Variants in PDE4D observed in about 807,000 individuals in gnomAD.
PDE4D encodes the protein phosphodiesterase 4D.
Under a neutral mutation model 87.4 loss-of-function variants are expected in PDE4D, and 24 were observed. The ratio of observed to expected loss-of-function variants is 0.27; its 90% CI spans 0.20 to 0.39. The LOEUF (loss-of-function observed/expected upper bound fraction) is 0.39, where lower values mean the gene tolerates loss of function less well. PDE4D is among the 10% of genes least tolerant of loss of function. The probability of loss-of-function intolerance (pLI) is 1.00; values close to 1 mark genes in which losing one functional copy is unlikely to be tolerated. For synonymous variants in PDE4D, 384 were observed against 383.2 expected, an observed-to-expected ratio of 1.00 and a Z score of -0.02; for missense variants, 714 against 1,041.0, an observed-to-expected ratio of 0.69 and a Z score of 4.32.
At chr5:59,909,763 C>T (rs906412938) in intron 3 of PDE4D, among the ~76,000 whole-genome samples, 54 of 152,124 alleles carry the variant, frequency 3.5e-4, no homozygotes, top group African/African-American at 1.2e-3. Flanking sequence ...AGAAATTGTG[C>T]ATATTTCTAT....
intron 1 of PDE4D, among the ~76,000 whole-genome samples, chr5:59,426,214 G>A (rs1795182772): frequency 6.6e-6 from 1 of 152,196 alleles, no homozygotes; most frequent in Non-Finnish European, 1.5e-5. Context: ...GGAATTGTGA[G>A]AAAACAAATT....
At chr5:59,177,683 G>A (rs1480181684) in intron 5 of PDE4D, among the ~76,000 whole-genome samples, 1 of 152,196 alleles carries the variant, frequency 6.6e-6, no homozygotes, top group Non-Finnish European at 1.5e-5. Flanking sequence ...GTGATGTTCT[G>A]TGGAGTTGCC....
At chr5:59,836,219 A>C (rs1165764427) in intron 1 of PDE4D, among the ~76,000 whole-genome samples, 1 of 152,038 alleles carries the variant, frequency 6.6e-6, no homozygotes, top group Non-Finnish European at 1.5e-5. Flanking sequence ...AAGCATCAGC[A>C]TCATTACAAT....
rs10525960 is a variant in PDE4D, at chr5:60,337,164, CAAA to C, written c.-90+150775_-90+150777del. On this transcript the variant is annotated intron_variant, in intron 1 of 16. Transcript: ENST00000502484. ...GTGAACCCTGTCTCTACTGAAAATA[CAAA>C]AAAAAAAAAAAAAAATTTAGCTGGG... Among the ~76,000 whole-genome samples, 558 of 106,370 alleles carry C rather than the reference CAAA, an allele frequency of 5.2e-3. 5 individuals carry two copies. The highest frequency in any genetic ancestry group is 0.015 in the African/African-American group (498 of 32,848). 69.8% of individuals were successfully genotyped at this position (106,370 alleles called of 152,430 possible).
intron 1 of PDE4D, among the ~76,000 whole-genome samples, chr5:60,242,209 C>A (rs567069585): frequency 6.6e-6 from 1 of 151,730 alleles, no homozygotes; most frequent in African/African-American, 2.4e-5. Flanking sequence ...GACTTCAACA[C>A]AAAAACTGTA....
chr5:59,157,429 T>C, intron 5 of PDE4D: 1 of 699,898 alleles, frequency 1.4e-6, no homozygotes, highest in East Asian at 2.7e-5. Context: ...CTGTGGTTAC[T>C]GGGATAAGAG....
intron 2 of PDE4D, among the ~76,000 whole-genome samples, chr5:60,124,582 A>T (rs1248426569): frequency 6.6e-6 from 1 of 152,148 alleles, no homozygotes; most frequent in African/African-American, 2.4e-5. Flanking sequence ...CACTCCAGTT[A>T]TTACTGTCTC....
At chr5:59,082,529 A>C (rs1766945906) in intron 5 of PDE4D, among the ~76,000 whole-genome samples, 1 of 152,134 alleles carries the variant, frequency 6.6e-6, no homozygotes, top group African/African-American at 2.4e-5. Flanking sequence ...TATCCACAAC[A>C]GGTTTTTTTC....
chr5:59,193,163 T>C (rs565030902), intron 3 of PDE4D, among the ~76,000 whole-genome samples: 66 of 152,342 alleles, frequency 4.3e-4, no homozygotes, highest in African/African-American at 1.5e-3. Flanking sequence ...TTTCAAGCAC[T>C]GATCATGTAC....
At chr5:59,593,054 A>G (rs929617955) in intron 1 of PDE4D, among the ~76,000 whole-genome samples, 1 of 151,916 alleles carries the variant, frequency 6.6e-6, no homozygotes, top group Non-Finnish European at 1.5e-5. Flanking sequence ...AGTAAAATAT[A>G]ATAAAATACA....
At chr5:59,968,332 A>G (rs1291518740) in intron 3 of PDE4D, among the ~76,000 whole-genome samples, 1 of 152,052 alleles carries the variant, frequency 6.6e-6, no homozygotes, top group African/African-American at 2.4e-5. Context: ...TGGAAAACCA[A>G]ATATTGCACA....
chr5:59,419,648 T>G (rs1257967954), intron 1 of PDE4D, among the ~76,000 whole-genome samples: 4 of 152,238 alleles, frequency 2.6e-5, no homozygotes, highest in Non-Finnish European at 5.9e-5. Context: ...GCATAGAGTT[T>G]CCTGTACAAC....
In PDE4D at chr5:59,420,832, G is replaced by A. The variant is rs78132352; in HGVS notation, c.456-204864C>T. On this transcript the variant is annotated intron_variant, in intron 1 of 14. Transcript: ENST00000340635. ...TATGAATCATCTTACATCGGATACC[G>A]GCATACATTGTTCAAAAATAACAGC... Among the ~76,000 whole-genome samples, 495 of 152,026 alleles carry A rather than the reference G, an allele frequency of 3.3e-3. 2 individuals are homozygous for A. Among genetic ancestry groups the A allele is most frequent in the Non-Finnish European group, 4.4e-3 (296 of 67,988 alleles).
At chr5:60,170,226 CACTT>C (rs933251474) in intron 2 of PDE4D, among the ~76,000 whole-genome samples, 1 of 151,972 alleles carries the variant, frequency 6.6e-6, no homozygotes, top group Non-Finnish European at 1.5e-5. Flanking sequence ...TGCTTTGTCT[CACTT>C]AGTTTTCATA....
chr5:58,977,115 C>T (rs1744010043), intron 12 of PDE4D, 76 bp downstream of exon 12: 2 of 1,337,444 alleles, frequency 1.5e-6, no homozygotes, highest in African/African-American at 2.9e-5. Flanking sequence ...TTACCTAATA[C>T]TCATCTTGTT....
chr5:60,215,895 A>G (rs1422813181), intron 1 of PDE4D, among the ~76,000 whole-genome samples: 1 of 152,218 alleles, frequency 6.6e-6, no homozygotes, highest in Non-Finnish European at 1.5e-5. Flanking sequence ...CAGAGTTAAT[A>G]CTAGAAGTAG....
intron 2 of PDE4D, among the ~76,000 whole-genome samples, chr5:60,119,284 A>G (rs1778448082): frequency 6.6e-6 from 1 of 152,182 alleles, no homozygotes; most frequent in Non-Finnish European, 1.5e-5. Flanking sequence ...ATAGTTTACA[A>G]TTTGACTGAA....
intron 6 of PDE4D, among the ~76,000 whole-genome samples, chr5:59,024,389 G>A (rs890375217): frequency 3.3e-5 from 5 of 151,212 alleles, no homozygotes; most frequent in African/African-American, 7.3e-5. Flanking sequence ...TAGGAGAGAC[G>A]GGATTTCACC....
intron 11 of PDE4D, among the ~76,000 whole-genome samples, chr5:58,986,827 G>C (rs887501050): frequency 6.6e-6 from 1 of 152,124 alleles, no homozygotes. Context: ...CAGAGTACTT[G>C]GAAGACAGTG....
Sources: gnomAD v4.1 joint callset for allele counts (sites outside exome capture counted in the v4.1 genomes callset) on GRCh38, gnomAD v4.1.1 for gene constraint, MANE v1.5 for transcripts, NCBI Gene and HGNC (gene_info 2026-07-23, HGNC 2026-07-21) for gene names.